The following PCTP variants were observed in gnomAD, a reference collection of about 807,000 sequenced individuals.
The protein encoded by PCTP is phosphatidylcholine transfer protein, also known as START domain-containing protein 2.
PCTP carries 27 observed loss-of-function variants against 31.0 expected under a neutral mutation model. The ratio of observed to expected loss-of-function variants is 0.87; its 90% CI spans 0.64 to 1.20. PCTP has a LOEUF of 1.20. PCTP is among the 50% of genes most tolerant of loss of function. The pLI is 0.00. For missense variants in PCTP, 287 were observed against 268.2 expected (o/e 1.07, Z -0.49); for synonymous variants, 108 against 101.2 (o/e 1.07, Z -0.40).
rs369840841 is a variant in PCTP, at chr17:55,791,748, C to T, written c.317+4094C>T. Among the ~76,000 whole-genome samples, 46 of 152,230 alleles carry T rather than the reference C, an allele frequency of 3.0e-4. No homozygotes were observed. The East Asian group carries it at 7.0e-3, about 23-fold the overall frequency. ...TCAACCATTGTGGAAGTCAGTGTGG[C>T]GATTCCTCAGAAATCTAGAACTAGA... On this transcript the variant is annotated intron_variant, in intron 3 of 3. Coordinates refer to the PCTP transcript ENST00000572536.
chr17:55,850,769 T>G, the PCTP span, among the ~76,000 whole-genome samples: 1 of 152,138 alleles, frequency 6.6e-6, no homozygotes, highest in African/African-American at 2.4e-5. Context: ...TTCTCCTCTA[T>G]AAAAAAATCA....
chr17:55,819,870 T>G (rs887419378), intron 3 of PCTP, among the ~76,000 whole-genome samples: 2 of 152,148 alleles, frequency 1.3e-5, no homozygotes, highest in Admixed American at 1.3e-4. Flanking sequence ...ACCCTCTCAA[T>G]TACAATAAAT....
At chr17:55,809,814 T>A (rs1240114279) in intron 3 of PCTP, among the ~76,000 whole-genome samples, 1 of 152,102 alleles carries the variant, frequency 6.6e-6, no homozygotes, top group Non-Finnish European at 1.5e-5. Context: ...AGCCACCACA[T>A]CTGGCCAGAG....
At chr17:55,765,483 C>T (rs1054711319) in intron 1 of PCTP, among the ~76,000 whole-genome samples, 5 of 152,074 alleles carry the variant, frequency 3.3e-5, no homozygotes, top group African/African-American at 1.2e-4. Context: ...TCAGGAATTC[C>T]TTTTTACTTT....
At chr17:55,764,819 A>G (rs2912557) in intron 1 of PCTP, among the ~76,000 whole-genome samples, 124,457 of 152,206 alleles carry the variant, frequency 0.82, 54,610 homozygotes, top group Non-Finnish European at 0.98. Context: ...CGGCCTTAGC[A>G]CATGGATGCA....
intron 1 of PCTP, among the ~76,000 whole-genome samples, chr17:55,762,232 G>C (rs187178495): frequency 6.6e-6 from 1 of 152,214 alleles, no homozygotes; most frequent in Non-Finnish European, 1.5e-5. Context: ...CTGGAGGAAG[G>C]AGAAAAGTTC....
chr17:55,823,743 GT>G (rs371424534), downstream of PCTP, among the ~76,000 whole-genome samples: 208 of 152,332 alleles, frequency 1.4e-3, 2 homozygotes, highest in African/African-American at 4.8e-3. Context: ...TGTGGCAACT[GT>G]TTTGGACATG....
chr17:55,828,551 C>T (rs879384933), intron 5 of PCTP, among the ~76,000 whole-genome samples: 1 of 152,172 alleles, frequency 6.6e-6, no homozygotes, highest in East Asian at 1.9e-4. Flanking sequence ...GGATTAGGAC[C>T]CACTCTAATG....
At chr17:55,792,185 T>G (rs1338071049) in intron 3 of PCTP, among the ~76,000 whole-genome samples, 1 of 144,814 alleles carries the variant, frequency 6.9e-6, no homozygotes, top group African/African-American at 2.6e-5. Flanking sequence ...AGGGTTAGCA[T>G]TGGGAGATAT....
intron 4 of PCTP, 102 bp downstream of exon 4, chr17:55,773,997 G>C: frequency 7.4e-7 from 1 of 1,351,616 alleles, no homozygotes; most frequent in Non-Finnish European, 9.9e-7. Context: ...TATCCCTGAA[G>C]GTCAGAGGAC....
At chr17:55,775,481 C>T in intron 5 of PCTP, 1 of 1,215,232 alleles carries the variant, frequency 8.2e-7, no homozygotes, top group Non-Finnish European at 1.0e-6. Flanking sequence ...ATTTCAAATC[C>T]TGGCTCTGCT....
chr17:55,779,472 CAT>C (rs1297324753), downstream of PCTP, among the ~76,000 whole-genome samples: 13 of 152,078 alleles, frequency 8.5e-5, no homozygotes, highest in South Asian at 2.1e-4. Context: ...GAGTCAGTCA[CAT>C]GTGAAGAATG....
downstream of PCTP, among the ~76,000 whole-genome samples, chr17:55,781,841 A>G (rs138720052): frequency 3.4e-3 from 523 of 152,298 alleles, 3 homozygotes; most frequent in African/African-American, 0.012. Context: ...AGTATACACT[A>G]TGATGTTTGC....
chr17:55,786,111 C>A (rs2144995454), intron 2 of PCTP, among the ~76,000 whole-genome samples: 1 of 152,272 alleles, frequency 6.6e-6, no homozygotes, highest in East Asian at 1.9e-4. Flanking sequence ...GGCAAAACCC[C>A]TTCTCTACCA....
At chr17:55,830,876 G>C (rs977266397) in intron 5 of PCTP, among the ~76,000 whole-genome samples, 2 of 152,176 alleles carry the variant, frequency 1.3e-5, no homozygotes, top group Non-Finnish European at 2.9e-5. Context: ...GCTGCTGTGA[G>C]GCAGCAGTAT....
Position 55,776,286 on chromosome 17 carries a change from CATGTTT to C in PCTP, c.*187_*192del. On this transcript the variant is annotated 3_prime_UTR_variant, in exon 6 of 6. Coordinates refer to ENST00000268896, the MANE Select transcript of PCTP (RefSeq NM_021213.4). The stretch of plus-strand genomic sequence containing the variant: ...TACACACTACCACATCCTTTCTAAG[CATGTTT>C]GCCTGACATCCAGCTCACTCGTCTG... The C allele has an allele frequency of 7.3e-7, 1 of 1,369,638 alleles. No individual in the cohort carries two copies. Among genetic ancestry groups the C allele is most frequent in the Non-Finnish European group, 9.4e-7 (1 of 1,062,872 alleles). 84.8% of individuals were successfully genotyped at this position (1,369,638 alleles called of 1,614,324 possible). A position where few individuals can be genotyped will look rare whatever the true frequency, so the allele number is the denominator to read the frequency against.
chr17:55,820,536 G>A (rs1447891678), intron 3 of PCTP, among the ~76,000 whole-genome samples: 1 of 152,074 alleles, frequency 6.6e-6, no homozygotes, highest in African/African-American at 2.4e-5. Context: ...CATTCACGAG[G>A]ATTCTACTCT....
chr17:55,836,255 G>A lies in PCTP; in HGVS notation n.506-6472G>A, dbSNP rs200279030. Among the ~76,000 whole-genome samples the A allele has an allele frequency of 3.1e-4, 47 of 152,266 alleles. No individual in the cohort carries two copies. In the East Asian group the frequency reaches 3.1e-3, roughly 10 times the overall value. ...AATTCATAAAAAATGACATAACCTA[G>A]TGGATAGAATTTGATAAACTACATG... is the stretch of plus-strand genomic sequence containing the variant. On this transcript the variant is annotated intron_variant and non_coding_transcript_variant, in intron 5 of 5. Coordinates refer to the PCTP transcript ENST00000576221.
Position 55,777,266 on chromosome 17 carries a change from A to G in PCTP, c.*1166A>G. On this transcript the variant is annotated 3_prime_UTR_variant, in exon 6 of 6. Coordinates refer to ENST00000268896, the MANE Select transcript of PCTP (RefSeq NM_021213.4). Reference sequence around the variant, plus strand: ...CCTTGATTAATAACAGAAATTCAGGATGTAAAGCCACAGAATGGGATTTAT... The same window carrying G: ...CCTTGATTAATAACAGAAATTCAGGGTGTAAAGCCACAGAATGGGATTTAT... 1.0e-6 allele frequency: 1 copy of G among 985,594 alleles called. No individual in the cohort carries two copies. The highest frequency in any genetic ancestry group is 1.7e-5 in the African/African-American group (1 of 57,354). 61.1% of individuals were successfully genotyped at this position (985,594 alleles called of 1,614,324 possible). A position where few individuals can be genotyped will look rare whatever the true frequency, so the allele number is the denominator to read the frequency against.
Sources: allele counts gnomAD v4.1 joint callset (sites outside exome capture counted in the v4.1 genomes callset), GRCh38; gene constraint gnomAD v4.1.1; transcripts MANE v1.5; gene names NCBI Gene and HGNC (gene_info 2026-07-23, HGNC 2026-07-21).